Variants in ITIH5 observed in about 807,000 individuals in gnomAD.
ITIH5 encodes the protein inter-alpha-trypsin inhibitor heavy chain 5.
ITIH5 carries 65 observed loss-of-function variants against 77.5 expected under a neutral mutation model. The ratio of observed to expected loss-of-function variants is 0.84; its 90% CI spans 0.69 to 1.03. The LOEUF (loss-of-function observed/expected upper bound fraction) is 1.03. Ranked by LOEUF, ITIH5 falls within the 50% of genes least tolerant of loss-of-function variation. ITIH5 has a pLI of 0.00. For synonymous variants in ITIH5, 525 were observed against 494.3 expected, an observed-to-expected ratio of 1.06 and a Z score of -0.82; for missense variants, 1,208 against 1,213.1, an observed-to-expected ratio of 1.00 and a Z score of 0.06.
chr10:7,660,826 G>C (rs990200089), intron 1 of ITIH5, among the ~76,000 whole-genome samples: 2 of 152,248 alleles, frequency 1.3e-5, no homozygotes, highest in East Asian at 1.9e-4. Context: ...TTGACTTAAA[G>C]ACAGATGTAA....
chr10:7,661,291 C>G (rs1465740833), intron 1 of ITIH5, among the ~76,000 whole-genome samples: 1 of 152,176 alleles, frequency 6.6e-6, no homozygotes, highest in African/African-American at 2.4e-5. Context: ...AGCCAAACAC[C>G]TTCAACTGAC....
chr10:7,617,241 C>A lies in ITIH5; in HGVS notation c.694G>T (p.Glu232Ter). 1 of 1,598,742 alleles carries A rather than the reference C, an allele frequency of 6.3e-7. No individual in the cohort carries two copies. The highest frequency in any genetic ancestry group is 8.5e-7 in the Non-Finnish European group (1 of 1,173,484). ...TTAAAAATTATGTTGGCAAATGTTT[C>A]ATTTTGGTTAATGACAGTAGATGGG... ...PPPSTVINQNETFANIIFKPT... is the reference protein window; with the variant it reads ...PPPSTVINQN The change falls in exon 6 of 14, where the codon GAA becomes TAA. Residue 232 changes from glutamate to a stop codon, truncating the protein, a stop_gained. Coordinates refer to ENST00000397146, the MANE Select transcript of ITIH5 (RefSeq NM_030569.7). LOFTEE classifies it high-confidence loss of function.
At chr10:7,564,820 C>G (rs933408554) in intron 13 of ITIH5, among the ~76,000 whole-genome samples, 5 of 150,720 alleles carry the variant, frequency 3.3e-5, no homozygotes, top group African/African-American at 1.2e-4. Context: ...TATACACACA[C>G]ACACCATAGA....
At chr10:7,580,103 C>A in intron 8 of ITIH5, 39 bp from the exon 9 acceptor site, 1 of 1,503,376 alleles carries the variant, frequency 6.7e-7, no homozygotes, top group Non-Finnish European at 9.0e-7. Flanking sequence ...AGCCTCTGCA[C>A]TCACCTCCGC....
intron 5 of ITIH5, chr10:7,620,290 A>C (rs759443297): frequency 6.6e-6 from 1 of 152,238 alleles, no homozygotes; most frequent in African/African-American, 2.4e-5. Flanking sequence ...TAATATTGCT[A>C]TTTAGAACAT....
chr10:7,634,674 A>G (rs1387352574), intron 5 of ITIH5, among the ~76,000 whole-genome samples: 1 of 152,152 alleles, frequency 6.6e-6, no homozygotes, highest in Non-Finnish European at 1.5e-5. Flanking sequence ...CAACACGTAC[A>G]CATCTCTGAA....
intron 9 of ITIH5, among the ~76,000 whole-genome samples, chr10:7,579,351 C>T (rs573438498): frequency 6.6e-6 from 1 of 152,150 alleles, no homozygotes; most frequent in African/African-American, 2.4e-5. Context: ...CATGGAGAAA[C>T]CTTGTCTCTA....
chr10:7,613,357 T>C (rs1003182786), intron 7 of ITIH5, among the ~76,000 whole-genome samples: 1 of 151,932 alleles, frequency 6.6e-6, no homozygotes, highest in African/African-American at 2.4e-5. Context: ...TCAATAAATA[T>C]CAGCCACTAT....
rs1490199041 is a variant in ITIH5 at position 7,562,891 on chromosome 10, C to G, written c.*192G>C. The stretch of plus-strand genomic sequence containing the variant: ...GCAGTAGAGGGAAATGACATTTGCA[C>G]TCAGGCTTCCCGCCCCTACCCACCC... On this transcript the variant is annotated 3_prime_UTR_variant, in exon 14 of 14. Coordinates refer to ENST00000397146, the MANE Select transcript of ITIH5 (RefSeq NM_030569.7). 1.6e-6 allele frequency: 1 copy of G among 637,292 alleles called. No homozygotes were observed. The highest frequency in any genetic ancestry group is 2.8e-6 in the Non-Finnish European group (1 of 352,860). The allele number at this position is 637,292 out of a possible 1,614,324, so 39.5% of individuals were successfully genotyped here.
chr10:7,627,892 A>AGT (rs1185894487), intron 5 of ITIH5, among the ~76,000 whole-genome samples: 1 of 112,892 alleles, frequency 8.9e-6, no homozygotes, highest in Non-Finnish European at 1.6e-5. Context: ...CCCAGGCTGG[A>AGT]GTGCAGTGGT....
At chr10:7,648,916 G>T (rs916893119) in intron 2 of ITIH5, among the ~76,000 whole-genome samples, 2 of 152,060 alleles carry the variant, frequency 1.3e-5, no homozygotes, top group East Asian at 3.9e-4. Context: ...CTGAAAAAAG[G>T]TTCAAGAAAC....
At chr10:7,588,815 T>C (rs59136495) in intron 7 of ITIH5, among the ~76,000 whole-genome samples, 43,256 of 152,230 alleles carry the variant, frequency 0.28, 6,498 homozygotes, top group East Asian at 0.49. Context: ...TTGAGGTGAT[T>C]AATTCTAAAT....
At chr10:7,622,046 T>G (rs1168030123) in intron 5 of ITIH5, 1 of 152,226 alleles carries the variant, frequency 6.6e-6, no homozygotes, top group Non-Finnish European at 1.5e-5. Context: ...CCAAGTCTTC[T>G]AATCCCATCT....
intron 8 of ITIH5, 72 bp downstream of exon 8, chr10:7,585,829 A>AAAAAC (rs1564245346): frequency 2.4e-5 from 32 of 1,345,846 alleles, no homozygotes; most frequent in South Asian, 1.9e-4. Context: ...TCTTGGCAAA[A>AAAAAC]AAAAAAAAAA....
chr10:7,613,639 T>C (rs1337076468), intron 7 of ITIH5, among the ~76,000 whole-genome samples: 2 of 152,128 alleles, frequency 1.3e-5, no homozygotes, highest in East Asian at 3.8e-4. Context: ...TTTAAAAAAA[T>C]CTTTAAAGTA....
In ITIH5 at chr10:7,573,126, G is replaced by A. The variant is rs369903880; in HGVS notation, c.2032+16C>T. The A allele has an allele frequency of 2.3e-5, 37 of 1,608,866 alleles. No homozygotes were observed. The highest frequency in any genetic ancestry group is 8.9e-5 in the East Asian group (4 of 44,842). The stretch of plus-strand genomic sequence containing the variant: ...TCTTACTCTCAATCCACACACAACC[G>A]CATCCTTTGCTTTACCTGATGTTTT... On this transcript the variant is annotated intron_variant, in intron 11 of 13. Transcript: ENST00000397146.
chr10:7,654,457 G>T (rs2131104858), intron 2 of ITIH5, among the ~76,000 whole-genome samples: 1 of 152,316 alleles, frequency 6.6e-6, no homozygotes, highest in East Asian at 1.9e-4. Flanking sequence ...TCCCCCTTCA[G>T]GGAAGAAGAC....
chr10:7,574,106 A>T (rs1226708544), intron 10 of ITIH5, among the ~76,000 whole-genome samples: 5 of 152,258 alleles, frequency 3.3e-5, no homozygotes, highest in Admixed American at 3.3e-4. Context: ...TACAAAGCAG[A>T]AGATTTTGAA....
intron 5 of ITIH5, chr10:7,617,920 T>C (rs1428046790): frequency 1.3e-5 from 2 of 152,204 alleles, no homozygotes; most frequent in African/African-American, 4.8e-5. Context: ...CCACCTCTTT[T>C]GTGATGCTGC....
Sources: allele counts gnomAD v4.1 joint callset (sites outside exome capture counted in the v4.1 genomes callset), GRCh38; gene constraint gnomAD v4.1.1; transcripts MANE v1.5; gene names NCBI Gene and HGNC (gene_info 2026-07-23, HGNC 2026-07-21).